Variants in TAF4 observed in about 807,000 individuals in gnomAD.
The protein encoded by TAF4 is transcription initiation factor TFIID subunit 4.
A neutral mutation model predicts 90.3 loss-of-function variants in TAF4; 9 were observed. The ratio of observed to expected loss-of-function variants is 0.10; its 90% CI spans 0.06 to 0.17. The LOEUF (loss-of-function observed/expected upper bound fraction) is 0.17. Among genes scored for constraint, TAF4 ranks in the 10% least tolerant of loss-of-function variants. TAF4 has a pLI of 1.00. For synonymous variants in TAF4, 818 were observed against 638.9 expected (o/e 1.28, Z -4.23); for missense variants, 1,351 against 1,370.7 (o/e 0.99, Z 0.23).
Position 62,065,228 on chromosome 20 carries a change from C to T in TAF4, c.583G>A (p.Ala195Thr). ...GPGKPAGPGA[A>T]QTLNGSAALL... is the part of the protein sequence containing the mutation. The stretch of plus-strand genomic sequence containing the variant: ...GCGGCGCTCCCATTCAAAGTTTGCG[C>T]GGCGCCGGGGCCGGCGGGCTTGCCA... The change falls in exon 1 of 15, where the codon GCG becomes ACG. Residue 195 changes from alanine (A) to threonine (T), a missense_variant. By Grantham distance (58) the Ala-to-Thr change is moderately conservative (BLOSUM62 0). Around this residue, in one of 9 missense-constraint regions of TAF4, gnomAD observed 782 missense variants for 536.6 expected, o/e 1.46. Coordinates refer to ENST00000252996, the MANE Select transcript of TAF4 (RefSeq NM_003185.4). The T allele has an allele frequency of 2.6e-6, 3 of 1,132,868 alleles. No homozygotes were observed. The highest frequency in any genetic ancestry group is 1.6e-5 in the South Asian group (1 of 62,072). The allele number at this position is 1,132,868 out of a possible 1,614,324, so 70.2% of individuals were successfully genotyped here. A position where few individuals can be genotyped will look rare whatever the true frequency, so the allele number is the denominator to read the frequency against.
chr20:62,037,523 T>C (rs186228776), intron 1 of TAF4: 5 of 152,624 alleles, frequency 3.3e-5, no homozygotes, highest in Admixed American at 2.6e-4. Flanking sequence ...CAAGTGTCTT[T>C]ACCGTGAGGA....
intron 1 of TAF4, among the ~76,000 whole-genome samples, chr20:62,034,147 G>A (rs889613185): frequency 2.0e-5 from 3 of 152,108 alleles, no homozygotes; most frequent in East Asian, 1.9e-4. Flanking sequence ...ACAAGGGAAT[G>A]AAGCACAGGA....
intron 1 of TAF4, among the ~76,000 whole-genome samples, chr20:62,044,701 CAAGAG>C: frequency 6.6e-6 from 1 of 152,272 alleles, no homozygotes; most frequent in South Asian, 2.1e-4. Flanking sequence ...CTTTTCTGTG[CAAGAG>C]AAGAGATAAA....
intron 1 of TAF4, among the ~76,000 whole-genome samples, chr20:62,036,479 A>G (rs1268069205): frequency 6.6e-6 from 1 of 152,224 alleles, no homozygotes; most frequent in Admixed American, 6.5e-5. Context: ...TGCAACTAAC[A>G]TTACTCATGC....
At chr20:61,989,112 G>C (rs574972721) in intron 14 of TAF4, among the ~76,000 whole-genome samples, 2 of 152,282 alleles carry the variant, frequency 1.3e-5, no homozygotes, top group African/African-American at 4.8e-5. Context: ...TGGCGTGCTA[G>C]GCAAGGACCG....
intron 13 of TAF4, 99 bp downstream of exon 13, chr20:61,998,037 T>C: frequency 8.8e-7 from 1 of 1,133,014 alleles, no homozygotes; most frequent in South Asian, 1.4e-5. Flanking sequence ...CGCAAATGCC[T>C]ATCGTACAGA....
chr20:62,059,754 C>T lies in TAF4; in HGVS notation c.1360+4697G>A, dbSNP rs563993181. ...AGGGCTTGGAGGTTCCTACTGAGCA[C>T]CATGAAGAAGAAAAGCAAAGCACTT... is the stretch of plus-strand genomic sequence containing the variant. On this transcript the variant is annotated intron_variant, in intron 1 of 14. Transcript: ENST00000252996. Among the ~76,000 whole-genome samples the T allele has an allele frequency of 3.3e-5, 5 of 152,212 alleles. No homozygotes were observed. In the South Asian group the frequency reaches 1.0e-3, roughly 32 times the overall value.
At chr20:62,033,065 G>A (rs60850060) in intron 1 of TAF4, among the ~76,000 whole-genome samples, 3,179 of 152,280 alleles carry the variant, frequency 0.021, 107 homozygotes, top group African/African-American at 0.072. Context: ...AGGCAGGAGG[G>A]CAAAGAAAGC....
chr20:62,064,451 C>T lies in TAF4; in HGVS notation c.1360G>A (p.Gly454Arg). 7.0e-7 allele frequency: 1 copy of T among 1,429,292 alleles called. No homozygotes were observed. The highest frequency in any genetic ancestry group is 9.2e-7 in the Non-Finnish European group (1 of 1,084,420). The allele number at this position is 1,429,292 out of a possible 1,614,324, so 88.5% of individuals were successfully genotyped here. Residue 454 changes from glycine (G) to arginine (R), a missense_variant and splice_region_variant, in exon 1 of 15, where the codon GGA becomes AGA. This residue lies in a region of TAF4 where 782 missense variants were observed against 536.6 expected (regional missense o/e 1.46). Coordinates refer to ENST00000252996, the MANE Select transcript of TAF4 (RefSeq NM_003185.4). ...CCTCCCGCCCCGTGCGGCCACTCAC[C>T]TGGGGGCAGCTGGAAGTTCTGGATG... ...TNIQNFQLPP[G>R]MVLVRSENGQ...
At position 62,023,857 on chromosome 20, in the gene TAF4, C is replaced by A. The variant is rs73611599; in HGVS notation, c.1361-9150G>T. On this transcript the variant is annotated intron_variant, in intron 1 of 14. Coordinates refer to ENST00000252996, the MANE Select transcript of TAF4 (RefSeq NM_003185.4). ...CAGCACTCTGGGAGGCCAAGGCAGGCGGATCGCCTGAGGTCAGGAGTTCAA... is the reference window on the plus strand; with the variant it reads ...CAGCACTCTGGGAGGCCAAGGCAGGAGGATCGCCTGAGGTCAGGAGTTCAA... 4.6e-5 allele frequency among the ~76,000 whole-genome samples: 7 copies of A among 151,170 alleles called. No homozygotes were observed. The South Asian group carries it at 1.3e-3, about 27-fold the overall frequency.
rs76101189 is a variant in TAF4, at chr20:61,987,401, T to C, written c.3090+10149A>G. Among the ~76,000 whole-genome samples, 599 of 152,286 alleles carry C rather than the reference T, an allele frequency of 3.9e-3. 3 individuals carry two copies. Among genetic ancestry groups the C allele is most frequent in the African/African-American group, 0.014 (564 of 41,550 alleles). Reference sequence around the variant, plus strand: ...TAAGAATCGAATAAGGAGAAAATATTTGCAAAAGACACATCTGATAATGGA... The same window carrying C: ...TAAGAATCGAATAAGGAGAAAATATCTGCAAAAGACACATCTGATAATGGA... On this transcript the variant is annotated intron_variant, in intron 14 of 14. Transcript: ENST00000252996.
chr20:62,056,638 A>C (rs911104200), intron 1 of TAF4, among the ~76,000 whole-genome samples: 1 of 152,150 alleles, frequency 6.6e-6, no homozygotes, highest in Admixed American at 6.5e-5. Flanking sequence ...CAAAGCACAG[A>C]CTTGGGTCAC....
chr20:62,027,992 T>C (rs1214132657), intron 1 of TAF4, among the ~76,000 whole-genome samples: 1 of 152,232 alleles, frequency 6.6e-6, no homozygotes, highest in Non-Finnish European at 1.5e-5. Flanking sequence ...CATTCTGAAT[T>C]GCATTTTCCA....
At chr20:61,998,884 A>T in intron 12 of TAF4, 99 bp downstream of exon 12, 1 of 1,503,468 alleles carries the variant, frequency 6.7e-7, no homozygotes, top group Non-Finnish European at 9.0e-7. Flanking sequence ...AGCCCAAAAC[A>T]TGCTCTGACC....
At chr20:62,013,904 CGGGTGTGTGT>C (rs1272006076) in intron 2 of TAF4, among the ~76,000 whole-genome samples, 5 of 116,122 alleles carry the variant, frequency 4.3e-5, no homozygotes, top group East Asian at 3.2e-4. Context: ...AAGGCTGACG[CGGGTGTGTGT>C]GTGTGTGTGT....
At chr20:62,060,553 C>T (rs944705941) in intron 1 of TAF4, among the ~76,000 whole-genome samples, 2 of 152,208 alleles carry the variant, frequency 1.3e-5, no homozygotes, top group Admixed American at 1.3e-4. Flanking sequence ...GGGCAGGGGG[C>T]AGGGAGGAAG....
In TAF4 at chr20:61,986,983, A is replaced by G. The variant is rs565641382; in HGVS notation, c.3090+10567T>C. 2.9e-4 allele frequency among the ~76,000 whole-genome samples: 44 copies of G among 152,366 alleles called. 1 individual carries two copies. Among genetic ancestry groups the G allele is most frequent in the African/African-American group, 1.0e-3 (43 of 41,594 alleles). On this transcript the variant is annotated intron_variant, in intron 14 of 14. Coordinates refer to ENST00000252996, the MANE Select transcript of TAF4 (RefSeq NM_003185.4). ...TAAGAAATGGTATCAGCAGCCTCCA[A>G]GTGTCTCCTTGAGATACCTACTAAT...
rs1412463936 is a variant in TAF4, at chr20:61,999,025, C to T, written c.2871G>A (p.Arg957=). The change falls in exon 12 of 15, where the codon AGG becomes AGA. Residue 957 remains arginine, a synonymous_variant. Coordinates refer to ENST00000252996, the MANE Select transcript of TAF4 (RefSeq NM_003185.4). The part of the protein sequence containing the change: ...FEQLDQIEKQ[R]KDEQEREILM... Reference sequence around the variant, plus strand: ...GGATCTCCCGCTCCTGCTCATCCTTCCTCTGCTTTTCGATTTGATCAAGCT... The same window carrying T: ...GGATCTCCCGCTCCTGCTCATCCTTTCTCTGCTTTTCGATTTGATCAAGCT... 1.9e-6 allele frequency: 3 copies of T among 1,614,140 alleles called. No homozygotes were observed. The Admixed American group carries it at 5.0e-5, about 27-fold the overall frequency.
Position 62,064,432 on chromosome 20 carries a change from G to T in TAF4, c.1360+19C>A. 1.5e-6 allele frequency: 2 copies of T among 1,337,104 alleles called. No homozygotes were observed. Among genetic ancestry groups the T allele is most frequent in the Non-Finnish European group, 1.9e-6 (2 of 1,036,506 alleles). The allele number at this position is 1,337,104 out of a possible 1,614,324, so 82.8% of individuals were successfully genotyped here. Reference sequence around the variant, plus strand: ...CTGCTGGGAGCCGCCCTTCCCTCCCGCCCCGTGCGGCCACTCACCTGGGGG... The same window carrying T: ...CTGCTGGGAGCCGCCCTTCCCTCCCTCCCCGTGCGGCCACTCACCTGGGGG... On this transcript the variant is annotated intron_variant, in intron 1 of 14. Transcript: ENST00000252996.
Sources: gnomAD v4.1 joint callset for allele counts (sites outside exome capture counted in the v4.1 genomes callset) on GRCh38, gnomAD v4.1.1 for gene constraint, gnomAD v4.1.1 regional missense constraint, MANE v1.5 for transcripts, NCBI Gene and HGNC (gene_info 2026-07-23, HGNC 2026-07-21) for gene names.